The following PPP6R1 variants were observed in gnomAD, a reference collection of about 807,000 sequenced individuals.
PPP6R1 encodes serine/threonine-protein phosphatase 6 regulatory subunit 1.
Under a neutral mutation model 104.6 loss-of-function variants are expected in PPP6R1, and 39 were observed. That is an observed-to-expected ratio of 0.37 (90% confidence interval 0.29 to 0.49). PPP6R1 has a LOEUF of 0.49. PPP6R1 is among the 20% of genes least tolerant of loss of function. The pLI is 0.98. For synonymous variants in PPP6R1, 549 were observed against 479.0 expected, an observed-to-expected ratio of 1.15 and a Z score of -1.91; for missense variants, 1,181 against 1,155.8, an observed-to-expected ratio of 1.02 and a Z score of -0.32.
intron 1 of PPP6R1, among the ~76,000 whole-genome samples, chr19:55,251,907 G>A (rs1489775618): frequency 6.6e-6 from 1 of 152,138 alleles, no homozygotes; most frequent in Non-Finnish European, 1.5e-5. Context: ...CTAAGGCTGT[G>A]GCGAGCAAAG....
At chr19:55,255,812 A>G (rs1030849844) in intron 1 of PPP6R1, 1 of 152,164 alleles carries the variant, frequency 6.6e-6, no homozygotes, top group African/African-American at 2.4e-5. Context: ...CACAGACACC[A>G]CTTCCTCCAG....
chr19:55,234,273 A>G lies in PPP6R1; in HGVS notation c.1989-2062T>C, dbSNP rs1016538669. The stretch of plus-strand genomic sequence containing the variant: ...ACCTCCCATTTTCAAAACTTACTAT[A>G]AAGCAACAGCAACCAGGCCAGTGTG... On this transcript the variant is annotated intron_variant, in intron 17 of 23. Transcript: ENST00000412770. 3.9e-5 allele frequency among the ~76,000 whole-genome samples: 6 copies of G among 152,220 alleles called. No homozygotes were observed. In the South Asian group the frequency reaches 1.2e-3, roughly 32 times the overall value.
In PPP6R1 at chr19:55,240,125, T is replaced by G. The variant is rs759387416; in HGVS notation, c.1362-11A>C. 1.9e-6 allele frequency: 3 copies of G among 1,569,720 alleles called. No individual in the cohort carries two copies. The highest frequency in any genetic ancestry group is 2.6e-6 in the Non-Finnish European group (3 of 1,158,198). ...GGGCCTCCCGCACACCTGGCAAGAG[T>G]GAAGGCCGCGGCTGCAAGCCAGGAC... On this transcript the variant is annotated splice_polypyrimidine_tract_variant and intron_variant, in intron 11 of 23. Coordinates refer to ENST00000412770, the MANE Select transcript of PPP6R1 (RefSeq NM_014931.4).
In PPP6R1 at chr19:55,230,666, A is replaced by G. The variant is rs746061996; in HGVS notation, c.2589T>C (p.Pro863=). The change falls in exon 23 of 24, where the codon CCT becomes CCC. Residue 863 remains proline (P), a synonymous_variant. Transcript: ENST00000412770. ...PQSQSAQALT[P]PPIPNGSAPE... ...GGGCAGAGCCATTGGGTATCGGAGG[A>G]GGCGTGAGGGCCTGGGCACTGTCAG... 2 of 1,604,032 alleles carry G rather than the reference A, an allele frequency of 1.2e-6. No individual in the cohort carries two copies. Among genetic ancestry groups the G allele is most frequent in the East Asian group, 2.2e-5 (1 of 44,548 alleles).
chr19:55,244,560 C>A lies in PPP6R1; in HGVS notation c.618+560G>T, dbSNP rs372106620. On this transcript the variant is annotated intron_variant, in intron 5 of 23. Transcript: ENST00000412770. ...GACGGATGTGGGGCCAGCGCTTGGA[C>A]AGGCGATGAGGAGGGCCCCTCCCTG... Among the ~76,000 whole-genome samples, 15 of 152,304 alleles carry A rather than the reference C, an allele frequency of 9.8e-5. 1 individual carries two copies. The highest frequency in any genetic ancestry group is 3.1e-4 in the African/African-American group (13 of 41,570).
At chr19:55,246,732 G>A in intron 2 of PPP6R1, 145 bp downstream of exon 2, 2 of 811,480 alleles carry the variant, frequency 2.5e-6, no homozygotes, top group South Asian at 1.8e-5. Flanking sequence ...TTGTGCAGGA[G>A]CCTGGCTGCT....
At chr19:55,242,042 G>A (rs982871943) in intron 7 of PPP6R1, 124 bp downstream of exon 7, 16 of 874,838 alleles carry the variant, frequency 1.8e-5, no homozygotes, top group Admixed American at 1.6e-4. Flanking sequence ...GGGAGCACAG[G>A]CAGCCACAGA....
intron 2 of PPP6R1, 129 bp downstream of exon 2, chr19:55,246,748 C>A: frequency 8.6e-6 from 8 of 932,368 alleles, no homozygotes; most frequent in Non-Finnish European, 1.1e-5. Flanking sequence ...CTGCTCCCAG[C>A]CTCGTCTTCC....
intron 2 of PPP6R1, among the ~76,000 whole-genome samples, chr19:55,246,128 C>T (rs1034987085): frequency 6.6e-6 from 1 of 152,196 alleles, no homozygotes; most frequent in East Asian, 1.9e-4. Flanking sequence ...GCCCCACCAG[C>T]GTGCCACTCA....
chr19:55,252,012 C>A (rs779130075), intron 1 of PPP6R1, among the ~76,000 whole-genome samples: 2 of 152,058 alleles, frequency 1.3e-5, no homozygotes, highest in African/African-American at 4.8e-5. Context: ...CAAAGCCAGT[C>A]CCAAGGAACC....
At chr19:55,234,630 G>C (rs2087378877) in intron 17 of PPP6R1, among the ~76,000 whole-genome samples, 2 of 151,616 alleles carry the variant, frequency 1.3e-5, no homozygotes, top group African/African-American at 4.9e-5. Flanking sequence ...CACGTGCAAG[G>C]GTATTCACAG....
In PPP6R1 at chr19:55,231,004, G is replaced by C. The variant is rs553495683; in HGVS notation, c.2460-120C>G. The C allele has an allele frequency of 1.5e-4, 131 of 850,098 alleles. No individual in the cohort carries two copies. The African/African-American group carries it at 2.1e-3, about 14-fold the overall frequency. The allele number at this position is 850,098 out of a possible 1,614,324, so 52.7% of individuals were successfully genotyped here. A position where few individuals can be genotyped will look rare whatever the true frequency, so the allele number is the denominator to read the frequency against. On this transcript the variant is annotated intron_variant, in intron 21 of 23. Transcript: ENST00000412770. Reference sequence around the variant, plus strand: ...TGTGTGTCTGCCACCTGCCCCACGGGGAGGGGCCTCCCGAGGACGCAGCTG... The same window carrying C: ...TGTGTGTCTGCCACCTGCCCCACGGCGAGGGGCCTCCCGAGGACGCAGCTG...
Position 55,240,216 on chromosome 19 carries a change from G to A in PPP6R1, c.1361+20C>T. The A allele has an allele frequency of 1.9e-6, 3 of 1,580,318 alleles. No homozygotes were observed. The highest frequency in any genetic ancestry group is 1.7e-6 in the Non-Finnish European group (2 of 1,163,584). On this transcript the variant is annotated intron_variant, in intron 11 of 23. Coordinates refer to ENST00000412770, the MANE Select transcript of PPP6R1 (RefSeq NM_014931.4). Reference sequence around the variant, plus strand: ...AGGCAGCCCCAGCCCCTGGAGACATGAAGGGCAGCAGGTGCTCACTGTACA... The same window carrying A: ...AGGCAGCCCCAGCCCCTGGAGACATAAAGGGCAGCAGGTGCTCACTGTACA...
chr19:55,236,702 G>A lies in PPP6R1; in HGVS notation c.1929C>T (p.Gly643=), dbSNP rs773603149. The A allele has an allele frequency of 2.0e-5, 32 of 1,611,286 alleles. No individual in the cohort carries two copies. The Middle Eastern group carries it at 5.0e-4, about 25-fold the overall frequency. Residue 643 remains glycine, a synonymous_variant, in exon 17 of 24, where the codon GGC becomes GGT. Coordinates refer to ENST00000412770, the MANE Select transcript of PPP6R1 (RefSeq NM_014931.4). ...TGGCCAGCTGGCTGCCCTGCCAGGC[G>A]CCATCTTCTCCATCAGACTCCCCTG... ...QGSGESDGED[G]AWQGSQLARG...
chr19:55,240,289 C>A lies in PPP6R1; in HGVS notation c.1308G>T (p.Gln436His), dbSNP rs1184779804. The A allele has an allele frequency of 5.0e-6, 8 of 1,592,442 alleles. No individual in the cohort carries two copies. The highest frequency in any genetic ancestry group is 6.8e-6 in the Non-Finnish European group (8 of 1,170,392). Residue 436 changes from glutamine to histidine, a missense_variant, in exon 11 of 24, where the codon CAG becomes CAT. Around this residue, in one of 2 missense-constraint regions of PPP6R1, gnomAD observed 1,042 missense variants for 955.6 expected, o/e 1.09. Coordinates refer to ENST00000412770, the MANE Select transcript of PPP6R1 (RefSeq NM_014931.4). ...TCAGGATCCGCTCCACCAGGCGGCA[C>A]TGCTGCAGCAGCTGCGGGAGAGCGG... The part of the protein sequence containing the change: ...QNPVVKHLLQ[Q>H]CRLVERILTS...
intron 17 of PPP6R1, chr19:55,233,097 G>A (rs2087364652): frequency 1.3e-5 from 2 of 152,276 alleles, no homozygotes; most frequent in African/African-American, 2.4e-5. Context: ...AAAAATAGAG[G>A]ATTATAATCT....
At chr19:55,238,062 CT>C (rs879732168) in intron 15 of PPP6R1, among the ~76,000 whole-genome samples, 75 of 147,196 alleles carry the variant, frequency 5.1e-4, no homozygotes, top group Admixed American at 4.1e-4. Context: ...GGGTTTTCTT[CT>C]TTTTTTTTTT....
Position 55,231,678 on chromosome 19 carries a change from G to T in PPP6R1, c.2307-10C>A. The stretch of plus-strand genomic sequence containing the variant: ...TGTGGGGTCCTGAGACCTGGTAGGC[G>T]AGAGAGGCAGCCCAAGGGGGCAGCT... On this transcript the variant is annotated splice_polypyrimidine_tract_variant and intron_variant, in intron 19 of 23. Transcript: ENST00000412770. 1 of 1,592,602 alleles carries T rather than the reference G, an allele frequency of 6.3e-7. No individual in the cohort carries two copies. The highest frequency in any genetic ancestry group is 1.3e-5 in the African/African-American group (1 of 74,502).
intron 21 of PPP6R1, 34 bp from the exon 22 acceptor site, chr19:55,230,918 G>A: frequency 1.3e-6 from 2 of 1,523,056 alleles, no homozygotes; most frequent in East Asian, 2.3e-5. Context: ...CTGTCAGCGT[G>A]GCCCCCACCG....
Sources: allele counts gnomAD v4.1 joint callset (sites outside exome capture counted in the v4.1 genomes callset), GRCh38; gene constraint gnomAD v4.1.1; regional missense constraint gnomAD v4.1.1; transcripts MANE v1.5; gene names NCBI Gene and HGNC (gene_info 2026-07-23, HGNC 2026-07-21).